The following PTDSS2 variants were observed in gnomAD, a reference collection of about 807,000 sequenced individuals.
The protein encoded by PTDSS2 is phosphatidylserine synthase 2.
PTDSS2 carries 41 observed loss-of-function variants against 64.7 expected under a neutral mutation model. The observed-to-expected ratio is 0.63, with a 90% CI of 0.49 to 0.82. PTDSS2 has a LOEUF of 0.82. Among genes scored for constraint, PTDSS2 ranks in the 40% least tolerant of loss-of-function variants. The pLI is 0.00. For missense variants in PTDSS2, 485 were observed against 650.0 expected (o/e 0.75, Z 2.76); for synonymous variants, 297 against 277.8 (o/e 1.07, Z -0.69).
intron 1 of PTDSS2, among the ~76,000 whole-genome samples, chr11:454,743 C>T (rs7123715): frequency 0.21 from 32,654 of 151,902 alleles, 3,791 homozygotes; most frequent in African/African-American, 0.31. Flanking sequence ...AGGCAGAGAT[C>T]GCGCCAGTGT....
At chr11:467,349 T>C (rs1259606778) in intron 2 of PTDSS2, among the ~76,000 whole-genome samples, 1 of 152,126 alleles carries the variant, frequency 6.6e-6, no homozygotes, top group Non-Finnish European at 1.5e-5. Flanking sequence ...AGCTAAAACC[T>C]TAAAAACCGA....
rs1437395106 is a variant in PTDSS2, at chr11:485,966, C to T, written c.436-973C>T. On this transcript the variant is annotated intron_variant, in intron 4 of 11. Coordinates refer to ENST00000308020, the MANE Select transcript of PTDSS2 (RefSeq NM_030783.3). ...CGAGCGTAAACAGTGCACGGGCGCGCGTGTGCTCACCGTGCGCGCAGGCGA... is the reference window on the plus strand; with the variant it reads ...CGAGCGTAAACAGTGCACGGGCGCGTGTGTGCTCACCGTGCGCGCAGGCGA... Among the ~76,000 whole-genome samples the T allele has an allele frequency of 3.8e-4, 48 of 126,806 alleles. 1 individual carries two copies. Among genetic ancestry groups the T allele is most frequent in the African/African-American group, 1.4e-3 (44 of 30,524 alleles). The allele number at this position is 126,806 out of a possible 152,430, so 83.2% of individuals were successfully genotyped here. A position where few individuals can be genotyped will look rare whatever the true frequency, so the allele number is the denominator to read the frequency against.
intron 4 of PTDSS2, among the ~76,000 whole-genome samples, chr11:481,796 G>C (rs1266956711): frequency 2.0e-5 from 3 of 151,852 alleles, no homozygotes; most frequent in Non-Finnish European, 2.9e-5. Flanking sequence ...TCTACAAATA[G>C]AGATAGTTTT....
intron 1 of PTDSS2, among the ~76,000 whole-genome samples, chr11:453,332 C>T (rs1459079889): frequency 6.6e-6 from 1 of 152,172 alleles, no homozygotes. Flanking sequence ...CACTTGGGGA[C>T]CCCTTACCCT....
chr11:456,724 A>G (rs1846614459), intron 1 of PTDSS2, among the ~76,000 whole-genome samples: 1 of 152,018 alleles, frequency 6.6e-6, no homozygotes, highest in African/African-American at 2.4e-5. Context: ...CACCCTTAGG[A>G]ATGGGGGCCT....
In PTDSS2 at chr11:450,483, G is replaced by T. The variant is rs1846264668; in HGVS notation, c.28G>T (p.Gly10Ter). The T allele has an allele frequency of 8.1e-7, 1 of 1,234,392 alleles. No homozygotes were observed. 76.5% of individuals were successfully genotyped at this position (1,234,392 alleles called of 1,614,324 possible). The change falls in exon 1 of 12, where the codon GGA becomes TGA. Residue 10 changes from glycine to a stop codon, truncating the protein, a stop_gained. Transcript: ENST00000308020. LOFTEE classifies it high-confidence loss of function. MRRGERRDAGGPRPESPVPA... is the reference protein window; with the variant it reads MRRGERRDA ...GCGGAGGGGCGAGCGCAGGGACGCC[G>T]GAGGTCCGCGGCCCGAGTCCCCGGT...
At chr11:486,314 G>A (rs866862418) in intron 4 of PTDSS2, among the ~76,000 whole-genome samples, 62 of 152,288 alleles carry the variant, frequency 4.1e-4, no homozygotes, top group Middle Eastern at 3.4e-3. Context: ...TGGGGGCGGC[G>A]CGCCGCAGTA....
chr11:448,352 CTG>C (rs1307136378), upstream of PTDSS2: 2 of 152,146 alleles, frequency 1.3e-5, no homozygotes, highest in African/African-American at 2.4e-5. Flanking sequence ...GGAGGGCTCT[CTG>C]TGCAGTTTGA....
intron 3 of PTDSS2, 47 bp downstream of exon 3, chr11:474,024 C>A: frequency 6.8e-7 from 1 of 1,468,414 alleles, no homozygotes; most frequent in Non-Finnish European, 9.6e-7. Flanking sequence ...CATTTCTGTT[C>A]TGAGCGGCCA....
Position 477,616 on chromosome 11 carries a change from G to A in PTDSS2, c.368-1469G>A, listed in dbSNP as rs7935018. Among the ~76,000 whole-genome samples the A allele has an allele frequency of 8.0e-3, 1,216 of 152,304 alleles. 20 individuals carry two copies. Among genetic ancestry groups the A allele is most frequent in the African/African-American group, 0.028 (1,169 of 41,560 alleles). On this transcript the variant is annotated intron_variant, in intron 3 of 11. Coordinates refer to ENST00000308020, the MANE Select transcript of PTDSS2 (RefSeq NM_030783.3). The stretch of plus-strand genomic sequence containing the variant: ...AACAGGAGAAACATGAGAAAGATTC[G>A]ACTTGGCAGTGCGGGGAGGGAAGTT...
rs1226259063 is a variant in PTDSS2, at chr11:488,580, A to C, written c.787A>C (p.Lys263Gln). 1 of 1,613,494 alleles carries C rather than the reference A, an allele frequency of 6.2e-7. No homozygotes were observed. The highest frequency in any genetic ancestry group is 1.6e-4 in the Middle Eastern group (1 of 6,062). ...CGGGCTGGGCATCTACTGCGGCATG[A>C]AGACCCTTGAGTGGCTGTCCCTGAA... ...CNGLGIYCGM[K>Q]TLEWLSLKTY... Residue 263 changes from lysine to glutamine, a missense_variant, in exon 8 of 12, where the codon AAG becomes CAG. Physicochemically the swap from Lys to Gln is moderately conservative, Grantham distance 53. Coordinates refer to ENST00000308020, the MANE Select transcript of PTDSS2 (RefSeq NM_030783.3).
At chr11:454,043 T>G (rs1464562313) in intron 1 of PTDSS2, among the ~76,000 whole-genome samples, 1 of 152,250 alleles carries the variant, frequency 6.6e-6, no homozygotes, top group Non-Finnish European at 1.5e-5. Context: ...AATTCTTCCC[T>G]TGAGAGTCTC....
At chr11:455,247 G>C (rs1846531391) in intron 1 of PTDSS2, among the ~76,000 whole-genome samples, 1 of 152,212 alleles carries the variant, frequency 6.6e-6, no homozygotes, top group Non-Finnish European at 1.5e-5. Context: ...GCCTCCCTTA[G>C]GCTGGGGCTC....
In PTDSS2 at chr11:460,921, C is replaced by G. The variant is rs1316078997; in HGVS notation, c.284+633C>G. Reference sequence around the variant, plus strand: ...TGTGCCTGACTCTCCTCTCGCGTTGCTCTTCCGACGCGCGCACAGGGTGTG... The same window carrying G: ...TGTGCCTGACTCTCCTCTCGCGTTGGTCTTCCGACGCGCGCACAGGGTGTG... On this transcript the variant is annotated intron_variant, in intron 2 of 11. Transcript: ENST00000308020. This position sits in a 1 kb window ranked among gnomAD's most constrained non-coding sequence, Gnocchi z 5.8. The G allele has an allele frequency of 1.3e-5, 2 of 152,500 alleles. No individual in the cohort carries two copies. The highest frequency in any genetic ancestry group is 2.9e-5 in the Non-Finnish European group (2 of 68,238). 9.4% of individuals were successfully genotyped at this position (152,500 alleles called of 1,614,324 possible). A position where few individuals can be genotyped will look rare whatever the true frequency, so the allele number is the denominator to read the frequency against.
chr11:467,421 G>A (rs1165332992), intron 2 of PTDSS2, among the ~76,000 whole-genome samples: 2 of 152,146 alleles, frequency 1.3e-5, no homozygotes, highest in Non-Finnish European at 2.9e-5. Context: ...GGCTAAAGCC[G>A]CTTTAGAAGA....
chr11:473,418 T>C (rs1387046273), intron 2 of PTDSS2, among the ~76,000 whole-genome samples: 1 of 152,216 alleles, frequency 6.6e-6, no homozygotes, highest in Non-Finnish European at 1.5e-5. Flanking sequence ...CTACGTGGGC[T>C]TTGTGATCAC....
At chr11:458,053 G>A (rs370243694) in intron 1 of PTDSS2, among the ~76,000 whole-genome samples, 11 of 152,144 alleles carry the variant, frequency 7.2e-5, no homozygotes, top group East Asian at 1.9e-4. Context: ...TTGCTTTCAC[G>A]GTGACCAGTG....
intron 3 of PTDSS2, among the ~76,000 whole-genome samples, chr11:478,013 G>A (rs939797531): frequency 6.6e-6 from 1 of 152,154 alleles, no homozygotes; most frequent in Non-Finnish European, 1.5e-5. Flanking sequence ...AGTACGTCGG[G>A]GCCTCCTGCG....
intron 2 of PTDSS2, among the ~76,000 whole-genome samples, chr11:468,690 G>A (rs1267206026): frequency 6.6e-6 from 1 of 152,250 alleles, no homozygotes; most frequent in Non-Finnish European, 1.5e-5. Context: ...ACTGTGGTGT[G>A]TATGATGGCT....
Sources: gnomAD v4.1 joint callset for allele counts (sites outside exome capture counted in the v4.1 genomes callset) on GRCh38, gnomAD v4.1.1 for gene constraint, Gnocchi (gnomAD v3.1) non-coding constraint, MANE v1.5 for transcripts, NCBI Gene and HGNC (gene_info 2026-07-23, HGNC 2026-07-21) for gene names.